Variants in PCCA observed in about 807,000 individuals in gnomAD.
PCCA encodes the protein propionyl-CoA carboxylase subunit alpha, also known as propionyl-CoA carboxylase alpha chain, mitochondrial.
Under a neutral mutation model 101.3 loss-of-function variants are expected in PCCA, and 74 were observed. The observed-to-expected ratio is 0.73, with a 90% CI of 0.61 to 0.89. PCCA has a LOEUF of 0.89. Ranked by LOEUF, PCCA falls within the 40% of genes least tolerant of loss-of-function variation. The pLI, the probability that PCCA is intolerant of heterozygous loss-of-function variation, is 0.00. For missense variants in PCCA, 891 were observed against 907.0 expected (o/e 0.98, Z 0.23); for synonymous variants, 294 against 313.6 (o/e 0.94, Z 0.66).
intron 19 of PCCA, among the ~76,000 whole-genome samples, chr13:100,413,569 C>T (rs1003145752): frequency 6.6e-5 from 10 of 152,052 alleles, no homozygotes; most frequent in Non-Finnish European, 1.3e-4. Context: ...GAGTATAGAG[C>T]GTCACTAAGT....
At chr13:100,478,659 G>T (rs1459873735) in intron 21 of PCCA, among the ~76,000 whole-genome samples, 2 of 152,166 alleles carry the variant, frequency 1.3e-5, no homozygotes, top group Non-Finnish European at 2.9e-5. Context: ...TTCACAGCCA[G>T]GCGTACTGTA....
intron 8 of PCCA, among the ~76,000 whole-genome samples, chr13:100,251,208 T>C (rs1594933261): frequency 6.6e-6 from 1 of 152,138 alleles, no homozygotes; most frequent in East Asian, 1.9e-4. Context: ...TTTATAAGAG[T>C]TTCATACTAT....
chr13:100,265,112 T>C (rs1341103467), intron 10 of PCCA, among the ~76,000 whole-genome samples: 3 of 152,234 alleles, frequency 2.0e-5, no homozygotes, highest in African/African-American at 7.2e-5. Context: ...GTATGTATAG[T>C]GTATCCTTCT....
intron 7 of PCCA, among the ~76,000 whole-genome samples, chr13:100,230,440 G>A (rs965369110): frequency 1.3e-5 from 2 of 151,854 alleles, no homozygotes; most frequent in African/African-American, 4.8e-5. Flanking sequence ...AGCTACTCAG[G>A]AGGCTAAGGC....
At chr13:100,246,839 A>C (rs1266862947) in intron 8 of PCCA, among the ~76,000 whole-genome samples, 2 of 151,846 alleles carry the variant, frequency 1.3e-5, no homozygotes, top group South Asian at 4.2e-4. Flanking sequence ...TATTATATGC[A>C]ATGTCTTATA....
intron 18 of PCCA, among the ~76,000 whole-genome samples, chr13:100,364,836 A>T (rs1337026959): frequency 2.2e-4 from 33 of 152,118 alleles, no homozygotes; most frequent in Admixed American, 2.2e-3. Context: ...GGATCCCTTG[A>T]GGCCAGGAAT....
At chr13:100,477,679 T>C (rs1405300233) in intron 21 of PCCA, among the ~76,000 whole-genome samples, 1 of 152,204 alleles carries the variant, frequency 6.6e-6, no homozygotes, top group Non-Finnish European at 1.5e-5. Context: ...ATAGCAAGTT[T>C]GGACAGTATA....
At chr13:100,126,020 T>C (rs2049920886) in intron 4 of PCCA, among the ~76,000 whole-genome samples, 1 of 152,212 alleles carries the variant, frequency 6.6e-6, no homozygotes, top group African/African-American at 2.4e-5. Context: ...GATTATGACA[T>C]GTAAGCATGT....
chr13:100,366,222 C>T (rs9518060), intron 18 of PCCA, among the ~76,000 whole-genome samples: 100,408 of 151,892 alleles, frequency 0.66, 34,226 homozygotes, highest in Middle Eastern at 0.79. Flanking sequence ...AGTATTGACC[C>T]CATTCGAAGT....
At chr13:100,293,760 T>C (rs1193649791) in intron 12 of PCCA, among the ~76,000 whole-genome samples, 1 of 152,154 alleles carries the variant, frequency 6.6e-6, no homozygotes, top group Non-Finnish European at 1.5e-5. Flanking sequence ...AAACTGAGGA[T>C]AGAAGGTAGG....
chr13:100,442,768 A>T (rs994122651), intron 20 of PCCA, among the ~76,000 whole-genome samples: 1 of 152,242 alleles, frequency 6.6e-6, no homozygotes, highest in Non-Finnish European at 1.5e-5. Context: ...AGGCAGCTTT[A>T]GCAAGGATGG....
chr13:100,095,560 G>A (rs2046692007), intron 1 of PCCA, among the ~76,000 whole-genome samples: 1 of 152,202 alleles, frequency 6.6e-6, no homozygotes, highest in African/African-American at 2.4e-5. Context: ...ATGAGACCAT[G>A]GGGGACATTT....
chr13:100,271,918 G>A (rs752050252), intron 11 of PCCA, among the ~76,000 whole-genome samples: 8 of 152,196 alleles, frequency 5.3e-5, no homozygotes, highest in Non-Finnish European at 8.8e-5. Flanking sequence ...CTATATATTG[G>A]AGGCAGCTTC....
At chr13:100,452,851 G>T (rs1195661683) in intron 21 of PCCA, among the ~76,000 whole-genome samples, 1 of 152,118 alleles carries the variant, frequency 6.6e-6, no homozygotes, top group Non-Finnish European at 1.5e-5. Flanking sequence ...TTGGGCAAAT[G>T]AATGACTGAA....
At chr13:100,161,311 A>C (rs553854912) in intron 6 of PCCA, 7 of 152,338 alleles carry the variant, frequency 4.6e-5, no homozygotes, top group African/African-American at 1.4e-4. Context: ...AAAATTTAAA[A>C]CATCTATATG....
intron 12 of PCCA, among the ~76,000 whole-genome samples, chr13:100,281,090 C>T (rs184983883): frequency 6.6e-6 from 1 of 152,330 alleles, no homozygotes; most frequent in African/African-American, 2.4e-5. Context: ...CAAGTCACCT[C>T]TACTTTATTT....
At chr13:100,139,717 C>T (rs1358120581) in intron 4 of PCCA, among the ~76,000 whole-genome samples, 1 of 151,934 alleles carries the variant, frequency 6.6e-6, no homozygotes, top group Non-Finnish European at 1.5e-5. Flanking sequence ...ATTTTTGTTA[C>T]TTTGGTCTTG....
intron 6 of PCCA, chr13:100,198,143 C>G (rs954379081): frequency 6.6e-6 from 1 of 152,314 alleles, no homozygotes; most frequent in African/African-American, 2.4e-5. Context: ...ATGAGTTGTT[C>G]TCTATTCATT....
intron 20 of PCCA, among the ~76,000 whole-genome samples, chr13:100,441,300 C>T (rs2080346854): frequency 6.6e-6 from 1 of 152,128 alleles, no homozygotes; most frequent in African/African-American, 2.4e-5. Flanking sequence ...ACAAATCCCA[C>T]AGTAATGGCC....
Sources: allele counts gnomAD v4.1 joint callset (sites outside exome capture counted in the v4.1 genomes callset), GRCh38; gene constraint gnomAD v4.1.1; transcripts MANE v1.5; gene names NCBI Gene and HGNC (gene_info 2026-07-23, HGNC 2026-07-21).